Variants in CRYBG3 observed in about 807,000 individuals in gnomAD.
The protein encoded by CRYBG3 is very large A-kinase anchor protein.
CRYBG3 carries 127 observed loss-of-function variants against 244.2 expected under a neutral mutation model. The ratio of observed to expected loss-of-function variants is 0.52; its 90% confidence interval spans 0.45 to 0.60. The LOEUF (loss-of-function observed/expected upper bound fraction) is 0.60, where lower values mean the gene tolerates loss of function less well. Among genes scored for constraint, CRYBG3 ranks in the 20% least tolerant of loss-of-function variants. CRYBG3 has a pLI of 0.00. For missense variants in CRYBG3, 3,325 were observed against 3,442.5 expected (o/e 0.97, Z 0.85); for synonymous variants, 1,132 against 1,195.8 (o/e 0.95, Z 1.10).
At chr3:97,912,667 C>G (rs2108251169) in intron 16 of CRYBG3, among the ~76,000 whole-genome samples, 1 of 152,132 alleles carries the variant, frequency 6.6e-6, no homozygotes, top group East Asian at 1.9e-4. Context: ...ATTTATCATC[C>G]CCATTTCACA....
chr3:97,897,605 T>G (rs113468393), intron 12 of CRYBG3, among the ~76,000 whole-genome samples: 5,577 of 152,208 alleles, frequency 0.037, 151 homozygotes, highest in Non-Finnish European at 0.05. Flanking sequence ...ATTCTGTTAG[T>G]TTGTTAAAAA....
At chr3:97,925,000 T>A (rs1487726326) in intron 17 of CRYBG3, among the ~76,000 whole-genome samples, 2 of 152,040 alleles carry the variant, frequency 1.3e-5, no homozygotes, top group African/African-American at 4.8e-5. Context: ...GTACCGAATA[T>A]AAGAAGAGCT....
At chr3:97,846,794 A>C (rs765377702) in intron 2 of CRYBG3, among the ~76,000 whole-genome samples, 3 of 152,148 alleles carry the variant, frequency 2.0e-5, no homozygotes, top group Admixed American at 6.5e-5. Context: ...CTTAGGTAGA[A>C]GCTTTCTCTG....
At position 97,876,684 on chromosome 3, in the gene CRYBG3, A is replaced by T. The variant is rs1000878748; in HGVS notation, c.5490A>T (p.Lys1830Asn). The T allele has an allele frequency of 8.1e-7, 1 of 1,239,676 alleles. No homozygotes were observed. The highest frequency in any genetic ancestry group is 1.6e-5 in the African/African-American group (1 of 64,470). The allele number at this position is 1,239,676 out of a possible 1,614,324, so 76.8% of individuals were successfully genotyped here. The change falls in exon 4 of 22, where the codon AAA becomes AAT. Residue 1830 changes from lysine to asparagine, a missense_variant. Transcript: ENST00000389622. ...EMEKACKRDV[K>N]ETIGATVSTP... ...AAAAAGCATGCAAGAGAGATGTTAA[A>T]GAGACTATTGGAGCAACTGTGTCCA...
chr3:97,864,381 C>A lies in CRYBG3; in HGVS notation c.381C>A (p.Asn127Lys). 6.5e-7 allele frequency: 1 copy of A among 1,535,882 alleles called. No homozygotes were observed. Residue 127 changes from asparagine to lysine, a missense_variant, in exon 3 of 22, where the codon AAC (asparagine) becomes AAA (lysine). Asn to Lys is a moderately conservative substitution (Grantham distance 94). This residue lies in a region of CRYBG3 where 1,526 missense variants were observed against 1,443.2 expected (regional missense o/e 1.06). Coordinates refer to ENST00000389622, the MANE Select transcript of CRYBG3 (RefSeq NM_153605.4). The stretch of plus-strand genomic sequence containing the variant: ...AAAGCTTTTTTCAGTTTCTTGGTAA[C>A]TTATTCAATATCTCGGGGAAATCAT... ...PKESFFQFLGNLFNISGKSSL... is the reference protein window; with the variant it reads ...PKESFFQFLGKLFNISGKSSL...
At chr3:97,943,090 T>C (rs756925423) in intron 21 of CRYBG3, 136 bp from the exon 22 acceptor site, 7 of 608,060 alleles carry the variant, frequency 1.2e-5, no homozygotes, top group Non-Finnish European at 2.0e-5. Flanking sequence ...CAAACTCAGC[T>C]TCCCATTTCA....
chr3:97,899,155 A>G lies in CRYBG3; in HGVS notation c.7863A>G (p.Gln2621=), dbSNP rs777562906. The stretch of plus-strand genomic sequence containing the variant: ...CTACTAGATGGGTTGCCTACCAGCA[A>G]AAGTTCTTCTGTGGAGAACAATACA... ...VKSGVWVAYQ[Q]KFFCGEQYIL... is the part of the protein sequence containing the mutation. The change falls in exon 14 of 22, where the codon CAA becomes CAG. Residue 2621 remains glutamine (Q), a synonymous_variant. Transcript: ENST00000389622. 2.5e-6 allele frequency: 4 copies of G among 1,611,158 alleles called. No homozygotes were observed. The Admixed American group carries it at 6.7e-5, about 27-fold the overall frequency.
intron 17 of CRYBG3, among the ~76,000 whole-genome samples, chr3:97,926,202 A>C (rs1347413841): frequency 1.3e-5 from 2 of 152,140 alleles, no homozygotes; most frequent in Non-Finnish European, 2.9e-5. Flanking sequence ...CCAGCAGGAC[A>C]TCAAAAAGTT....
In CRYBG3 at chr3:97,933,808, C is replaced by G; in HGVS notation, c.8356C>G (p.Gln2786Glu). ...VLNKDLHFYT[Q>E]SVWVKSGLWI... ...GAACAAGGACCTACACTTCTACACCCAGTCTGTGTGGGTAAAAAGTGGACT... is the reference window on the plus strand; with the variant it reads ...GAACAAGGACCTACACTTCTACACCGAGTCTGTGTGGGTAAAAAGTGGACT... The change falls in exon 18 of 22, where the codon CAG becomes GAG. Residue 2786 changes from glutamine (Q) to glutamate (E), a missense_variant. By Grantham distance (29) the Gln-to-Glu change is conservative. Around this residue, in one of 4 missense-constraint regions of CRYBG3, gnomAD observed 714 missense variants for 803.6 expected, o/e 0.89. Transcript: ENST00000389622. The G allele has an allele frequency of 6.2e-7, 1 of 1,612,530 alleles. No homozygotes were observed. The highest frequency in any genetic ancestry group is 8.5e-7 in the Non-Finnish European group (1 of 1,178,978).
At chr3:97,930,542 C>G (rs2040086371) in intron 17 of CRYBG3, among the ~76,000 whole-genome samples, 1 of 152,006 alleles carries the variant, frequency 6.6e-6, no homozygotes, top group South Asian at 2.1e-4. Flanking sequence ...GTGGTGTCTA[C>G]TGAGGGAAAA....
chr3:97,903,905 G>A (rs2039733868), intron 15 of CRYBG3, among the ~76,000 whole-genome samples: 2 of 152,132 alleles, frequency 1.3e-5, no homozygotes, highest in East Asian at 1.9e-4. Flanking sequence ...TCCATTTCCA[G>A]TTGGGGAGCT....
rs935949320 is a variant in CRYBG3, at chr3:97,943,533, A to T, written c.*219A>T. The stretch of plus-strand genomic sequence containing the variant: ...GTGTTCCTATAAAGAAAATATTATG[A>T]TATCTTGGAAAGGTTCTATTCCTGA... On this transcript the variant is annotated 3_prime_UTR_variant, in exon 22 of 22. Transcript: ENST00000389622. The T allele has an allele frequency of 6.7e-5, 33 of 492,232 alleles. No individual in the cohort carries two copies. The highest frequency in any genetic ancestry group is 5.7e-4 in the African/African-American group (28 of 48,746). 30.5% of individuals were successfully genotyped at this position (492,232 alleles called of 1,614,324 possible).
At chr3:97,897,367 G>A (rs1469340526) in intron 12 of CRYBG3, among the ~76,000 whole-genome samples, 4 of 152,090 alleles carry the variant, frequency 2.6e-5, no homozygotes, top group Non-Finnish European at 4.4e-5. Flanking sequence ...CAATTGCTCA[G>A]TGGTGTTCTC....
At chr3:97,857,406 G>A (rs1388014945) in intron 2 of CRYBG3, among the ~76,000 whole-genome samples, 4 of 150,530 alleles carry the variant, frequency 2.7e-5, no homozygotes, top group Admixed American at 1.3e-4. Context: ...TTTAATCCGC[G>A]ATTTCCTTAA....
At chr3:97,838,308 G>A (rs1488947387) in intron 1 of CRYBG3, among the ~76,000 whole-genome samples, 2 of 152,080 alleles carry the variant, frequency 1.3e-5, no homozygotes, top group Non-Finnish European at 2.9e-5. Flanking sequence ...TAAATAATAA[G>A]TGGAGATTCT....
At position 97,873,517 on chromosome 3, in the gene CRYBG3, A is replaced by G; in HGVS notation, c.2323A>G (p.Ile775Val). The part of the protein sequence containing the change: ...SGNLSKDCSS[I>V]LSQDPNRVEL... ...AAACCTCTCTAAGGATTGCAGTTCCATTTTATCTCAAGACCCTAATAGAGT... is the reference window on the plus strand; with the variant it reads ...AAACCTCTCTAAGGATTGCAGTTCCGTTTTATCTCAAGACCCTAATAGAGT... The change falls in exon 4 of 22, where the codon ATT (isoleucine) becomes GTT (valine). Residue 775 changes from isoleucine to valine, a missense_variant. Around this residue, in one of 4 missense-constraint regions of CRYBG3, gnomAD observed 1,526 missense variants for 1,443.2 expected, o/e 1.06. Coordinates refer to ENST00000389622, the MANE Select transcript of CRYBG3 (RefSeq NM_153605.4). 6.5e-7 allele frequency: 1 copy of G among 1,536,002 alleles called. No homozygotes were observed. The highest frequency in any genetic ancestry group is 8.7e-7 in the Non-Finnish European group (1 of 1,146,816).
At chr3:97,864,711 A>C in intron 3 of CRYBG3, 64 bp downstream of exon 3, 1 of 1,129,910 alleles carries the variant, frequency 8.9e-7, no homozygotes, top group Non-Finnish European at 1.2e-6. Context: ...TTTGAGCTTT[A>C]GCTTTAATCC....
intron 15 of CRYBG3, among the ~76,000 whole-genome samples, chr3:97,910,312 C>G (rs1559741141): frequency 6.6e-6 from 1 of 152,238 alleles, no homozygotes; most frequent in Non-Finnish European, 1.5e-5. Flanking sequence ...TTTACCTAAT[C>G]AAGCCTGGGC....
At chr3:97,936,930 G>T in intron 19 of CRYBG3, 22 bp downstream of exon 19, 3 of 1,603,010 alleles carry the variant, frequency 1.9e-6, no homozygotes, top group Non-Finnish European at 1.7e-6. Flanking sequence ...AGAACCATAA[G>T]ATTCCAAATA....
Sources: allele counts gnomAD v4.1 joint callset (sites outside exome capture counted in the v4.1 genomes callset), GRCh38; gene constraint gnomAD v4.1.1; regional missense constraint gnomAD v4.1.1; transcripts MANE v1.5; gene names NCBI Gene and HGNC (gene_info 2026-07-23, HGNC 2026-07-21).